The following ZC3H11A variants were observed in gnomAD, a reference collection of about 807,000 sequenced individuals.
ZC3H11A encodes the protein zinc finger CCCH-type containing 11A, also known as zinc finger CCCH domain-containing protein 11A.
ZC3H11A carries 22 observed loss-of-function variants against 90.8 expected under a neutral mutation model. That is an observed-to-expected ratio of 0.24 (90% CI 0.17 to 0.35). The LOEUF (loss-of-function observed/expected upper bound fraction) is 0.35, where lower values mean the gene tolerates loss of function less well. ZC3H11A is among the 10% of genes least tolerant of loss of function. The probability of loss-of-function intolerance (pLI) is 1.00; values close to 1 mark genes in which losing one functional copy is unlikely to be tolerated. For missense variants in ZC3H11A, 701 were observed against 964.9 expected, an observed-to-expected ratio of 0.73 and a Z score of 3.62; for synonymous variants, 294 against 339.8, an observed-to-expected ratio of 0.87 and a Z score of 1.48.
At position 203,831,566 on chromosome 1, in the gene ZC3H11A, T is replaced by C. The variant is rs949718957; in HGVS notation, c.701-95T>C. ...GGCTTATAGTCATAATATCAGTCTG[T>C]ATTGGACTTAACTGGTTACAAAAAC... On this transcript the variant is annotated intron_variant, in intron 8 of 17. Transcript: ENST00000367210. The C allele has an allele frequency of 1.2e-5, 11 of 921,860 alleles. No homozygotes were observed. The African/African-American group carries it at 1.8e-4, about 15-fold the overall frequency. The allele number at this position is 921,860 out of a possible 1,614,324, so 57.1% of individuals were successfully genotyped here.
chr1:203,851,030 T>C, intron 16 of ZC3H11A, 27 bp from the exon 17 acceptor site: 3 of 1,611,670 alleles, frequency 1.9e-6, no homozygotes, highest in Non-Finnish European at 2.5e-6. Flanking sequence ...TGACTCTCAC[T>C]GAATTACCTG....
intron 12 of ZC3H11A, among the ~76,000 whole-genome samples, chr1:203,844,491 A>G (rs943549989): frequency 3.9e-5 from 6 of 152,124 alleles, no homozygotes; most frequent in African/African-American, 7.2e-5. Context: ...TCTAATTCAA[A>G]TCTTTATTTT....
Position 203,798,965 on chromosome 1 carries a change from C to G in ZC3H11A, c.-1587-2610C>G, listed in dbSNP as rs910027183. The G allele has an allele frequency of 1.3e-6, 2 of 1,536,074 alleles. No individual in the cohort carries two copies. The highest frequency in any genetic ancestry group is 3.9e-5 in the Admixed American group (2 of 50,998). On this transcript the variant is annotated intron_variant, in intron 1 of 17. Coordinates refer to ENST00000367210, the MANE Select transcript of ZC3H11A (RefSeq NM_001376342.1). Reference sequence around the variant, plus strand: ...AGAATGTTCAAAGCCAAAAGATACACCTGACTGTTGACATATGGACCCATG... The same window carrying G: ...AGAATGTTCAAAGCCAAAAGATACAGCTGACTGTTGACATATGGACCCATG...
rs1341245731 is a variant in ZC3H11A at position 203,798,284 on chromosome 1, C to G, written c.-1588+2490C>G. Reference sequence around the variant, plus strand: ...GATTTCTCATCAAAAGTAACATTGTCAAGCATGCTTTAATTCCTGGAACTA... The same window carrying G: ...GATTTCTCATCAAAAGTAACATTGTGAAGCATGCTTTAATTCCTGGAACTA... On this transcript the variant is annotated intron_variant, in intron 1 of 17. Transcript: ENST00000367210. 4 of 1,536,130 alleles carry G rather than the reference C, an allele frequency of 2.6e-6. No individual in the cohort carries two copies. In the Admixed American group the frequency reaches 7.8e-5, roughly 30 times the overall value.
chr1:203,849,183 C>T lies in ZC3H11A; in HGVS notation c.1624-528C>T, dbSNP rs77816475. Among the ~76,000 whole-genome samples the T allele has an allele frequency of 5.0e-3, 764 of 152,276 alleles. 16 individuals carry two copies. The East Asian group carries it at 0.052, about 10-fold the overall frequency. On this transcript the variant is annotated intron_variant, in intron 14 of 17. Transcript: ENST00000367210. ...TACATGTGTGAGCCACCACACTTGG[C>T]CTTCTTCGACCTTTTTGTTTATATA...
At chr1:203,832,062 T>C (rs1682556430) in intron 9 of ZC3H11A, among the ~76,000 whole-genome samples, 1 of 152,206 alleles carries the variant, frequency 6.6e-6, no homozygotes, top group Admixed American at 6.5e-5. Flanking sequence ...ATAAAGTTTT[T>C]TATTTATTTC....
intron 1 of ZC3H11A, chr1:203,796,422 C>T (rs1668522158): frequency 5.0e-6 from 2 of 398,990 alleles, no homozygotes; most frequent in Non-Finnish European, 8.8e-6. Flanking sequence ...GAGTCAAGAG[C>T]AACAGGGACA....
chr1:203,843,527 C>T (rs924474336), intron 12 of ZC3H11A, among the ~76,000 whole-genome samples: 1 of 151,992 alleles, frequency 6.6e-6, no homozygotes, highest in Non-Finnish European at 1.5e-5. Context: ...AATTTTTTTC[C>T]TGTAAAGGGT....
intron 14 of ZC3H11A, 112 bp from the exon 15 acceptor site, chr1:203,849,599 A>T: frequency 9.8e-7 from 1 of 1,023,482 alleles, no homozygotes. Flanking sequence ...CTTTTCTCTC[A>T]GATTCTGGAT....
chr1:203,809,413 G>A (rs1328390935), intron 2 of ZC3H11A, among the ~76,000 whole-genome samples: 1 of 150,858 alleles, frequency 6.6e-6, no homozygotes, highest in African/African-American at 2.4e-5. Context: ...CTGACCTCGT[G>A]ATCCGCCCAT....
chr1:203,836,937 T>C (rs1338344592), intron 10 of ZC3H11A, among the ~76,000 whole-genome samples: 1 of 152,194 alleles, frequency 6.6e-6, no homozygotes, highest in African/African-American at 2.4e-5. Flanking sequence ...ACTAAAAAAC[T>C]TAAAATTTAA....
At chr1:203,843,243 T>C (rs1686970710) in intron 12 of ZC3H11A, among the ~76,000 whole-genome samples, 2 of 152,224 alleles carry the variant, frequency 1.3e-5, no homozygotes, top group South Asian at 4.1e-4. Flanking sequence ...TGATAATCAG[T>C]ATTTATCATA....
chr1:203,828,820 A>T (rs1160549082), intron 5 of ZC3H11A, among the ~76,000 whole-genome samples: 2 of 152,198 alleles, frequency 1.3e-5, no homozygotes, highest in Non-Finnish European at 2.9e-5. Context: ...AGTGCTATAG[A>T]ATTGAGTAGT....
At position 203,802,563 on chromosome 1, in the gene ZC3H11A, T is replaced by C. The variant is rs1449197885; in HGVS notation, c.-599T>C. On this transcript the variant is annotated 5_prime_UTR_variant, in exon 2 of 18. It removes the in-frame stop codon of an upstream open reading frame in the 5' UTR. Coordinates refer to ENST00000367210, the MANE Select transcript of ZC3H11A (RefSeq NM_001376342.1). ...TGGGGGAAGGTTTCTGTTTTTTTCTTAATAGGTGAAGAAATCTTGAAGACC... is the reference window on the plus strand; with the variant it reads ...TGGGGGAAGGTTTCTGTTTTTTTCTCAATAGGTGAAGAAATCTTGAAGACC... 2 of 152,358 alleles carry C rather than the reference T, an allele frequency of 1.3e-5. No homozygotes were observed. 9.4% of individuals were successfully genotyped at this position (152,358 alleles called of 1,614,324 possible).
intron 17 of ZC3H11A, among the ~76,000 whole-genome samples, 188 bp from the exon 18 acceptor site, chr1:203,851,953 A>AGG (rs1210901994): frequency 2.8e-5 from 4 of 144,006 alleles, no homozygotes; most frequent in Non-Finnish European, 6.1e-5. Flanking sequence ...TGGGTGACAA[A>AGG]GGGAGACTCT....
At chr1:203,803,041 C>CGCATGA in intron 2 of ZC3H11A, 25 bp downstream of exon 2, 1 of 152,544 alleles carries the variant, frequency 6.6e-6, no homozygotes, top group East Asian at 1.9e-4. Flanking sequence ...AGGCATTTTT[C>CGCATGA]GCATGAAAGG....
At position 203,816,590 on chromosome 1, in the gene ZC3H11A, C is replaced by A. The variant is rs140948076; in HGVS notation, c.-145-336C>A. On this transcript the variant is annotated intron_variant, in intron 2 of 17. Transcript: ENST00000367210. ...GTGTTGCTGTGAGCTGTGATCACAT[C>A]ATTGCACTCCAGCCTGGGCAACAGA... Among the ~76,000 whole-genome samples the A allele has an allele frequency of 1.7e-3, 254 of 152,218 alleles. 1 individual carries two copies. The highest frequency in any genetic ancestry group is 3.2e-3 in the Non-Finnish European group (218 of 68,016).
Position 203,848,421 on chromosome 1 carries a change from T to C in ZC3H11A, c.1623+14T>C, listed in dbSNP as rs12086293. On this transcript the variant is annotated intron_variant, in intron 14 of 17. Coordinates refer to ENST00000367210, the MANE Select transcript of ZC3H11A (RefSeq NM_001376342.1). The stretch of plus-strand genomic sequence containing the variant: ...GAAGCTAAAGAGGTAAATTTAAGAT[T>C]ATTGTATGGTTTTGTTCATGGCAAA... 0.14 allele frequency: 215,452 copies of C among 1,594,490 alleles called. 15,664 individuals carry two copies. The highest frequency in any genetic ancestry group is 0.15 in the Non-Finnish European group (169,682 of 1,169,242).
intron 13 of ZC3H11A, 40 bp from the exon 14 acceptor site, chr1:203,848,291 T>G: frequency 6.5e-7 from 1 of 1,542,388 alleles, no homozygotes; most frequent in Non-Finnish European, 8.9e-7. Flanking sequence ...AAGTTGCAGC[T>G]TAAATAAAAT....
Sources: gnomAD v4.1 joint callset for allele counts (sites outside exome capture counted in the v4.1 genomes callset) on GRCh38, gnomAD v4.1.1 for gene constraint, MANE v1.5 for transcripts, NCBI Gene and HGNC (gene_info 2026-07-23, HGNC 2026-07-21) for gene names.